NRP1: variants seen among roughly 807,000 people sequenced by gnomAD.
NRP1 encodes neuropilin 1, also known as neuropilin-1.
In NRP1, 35 loss-of-function variants were observed where a neutral mutation model predicts 106.7. The ratio of observed to expected loss-of-function variants is 0.33; its 90% CI spans 0.25 to 0.43. The LOEUF (loss-of-function observed/expected upper bound fraction) is 0.43. Ranked by LOEUF, NRP1 falls within the 20% of genes least tolerant of loss-of-function variation. The probability of loss-of-function intolerance (pLI) is 1.00; values close to 1 mark genes in which losing one functional copy is unlikely to be tolerated. For missense variants in NRP1, 1,024 were observed against 1,170.4 expected (o/e 0.87, Z 1.83); for synonymous variants, 437 against 417.9 (o/e 1.05, Z -0.56).
chr10:33,242,751 G>C (rs764651666), intron 6 of NRP1, among the ~76,000 whole-genome samples: 1 of 152,140 alleles, frequency 6.6e-6, no homozygotes, highest in Non-Finnish European at 1.5e-5. Flanking sequence ...GGGTCTACCT[G>C]GGTCTTGGTC....
At position 33,207,708 on chromosome 10, in the gene NRP1, C is replaced by G. The variant is rs1288766705; in HGVS notation, c.1623G>C (p.Glu541Asp). The change falls in exon 10 of 17, where the codon GAG becomes GAC. Residue 541 changes from glutamate (E) to aspartate (D), a missense_variant. By Grantham distance (45) the Glu-to-Asp change is conservative. Around this residue, in one of 5 missense-constraint regions of NRP1, gnomAD observed 562 missense variants for 620.3 expected, o/e 0.91. Transcript: ENST00000374867. Reference protein sequence around the residue: ...DDSKRKAKSFEGNNNYDTPEL... With the variant: ...DDSKRKAKSFDGNNNYDTPEL... ...CAGGTGTATCATAGTTGTTGTTGCC[C>G]TCAAAAGACTGTGAAGCATGGAAAA... The G allele has an allele frequency of 6.2e-7, 1 of 1,613,290 alleles. No homozygotes were observed. Among genetic ancestry groups the G allele is most frequent in the East Asian group, 2.2e-5 (1 of 44,840 alleles).
intron 11 of NRP1, 127 bp from the exon 12 acceptor site, chr10:33,197,836 T>A (rs1836899556): frequency 2.2e-6 from 1 of 455,408 alleles, no homozygotes; most frequent in African/African-American, 2.0e-5. Flanking sequence ...TTAATTTCAA[T>A]GATAGCAATT....
intron 6 of NRP1, among the ~76,000 whole-genome samples, chr10:33,238,335 C>A (rs772401231): frequency 6.6e-6 from 1 of 152,216 alleles, no homozygotes; most frequent in Non-Finnish European, 1.5e-5. Context: ...ACACTGTTCT[C>A]GCCTCAAACA....
chr10:33,288,851 A>C lies in NRP1; in HGVS notation c.249-17995T>G, dbSNP rs146215891. Reference sequence around the variant, plus strand: ...TTAGGGAGTAGGAGCCAAGGAATAAAAGTTTGCCAAATGTTGCACTACAAC... The same window carrying C: ...TTAGGGAGTAGGAGCCAAGGAATAACAGTTTGCCAAATGTTGCACTACAAC... On this transcript the variant is annotated intron_variant, in intron 2 of 16. Transcript: ENST00000374867. 6.8e-3 allele frequency among the ~76,000 whole-genome samples: 1,037 copies of C among 152,246 alleles called. 10 individuals carry two copies. The highest frequency in any genetic ancestry group is 0.024 in the African/African-American group (980 of 41,534).
intron 13 of NRP1, among the ~76,000 whole-genome samples, chr10:33,191,150 G>A (rs938155462): frequency 3.3e-5 from 5 of 152,152 alleles, no homozygotes; most frequent in African/African-American, 7.2e-5. Context: ...GAGCCACCAC[G>A]TCCAGTCTGC....
intron 2 of NRP1, among the ~76,000 whole-genome samples, chr10:33,290,864 C>A (rs189224319): frequency 6.6e-6 from 1 of 152,082 alleles, no homozygotes. Flanking sequence ...CCTCAAGGTG[C>A]GTGGGGCCAT....
At chr10:33,292,210 T>G (rs1845047616) in intron 2 of NRP1, among the ~76,000 whole-genome samples, 1 of 152,174 alleles carries the variant, frequency 6.6e-6, no homozygotes, top group Non-Finnish European at 1.5e-5. Flanking sequence ...GATTTAGTTG[T>G]GAAGTCAGAA....
At chr10:33,189,307 C>T (rs1294560475) in intron 13 of NRP1, among the ~76,000 whole-genome samples, 1 of 152,160 alleles carries the variant, frequency 6.6e-6, no homozygotes, top group African/African-American at 2.4e-5. Flanking sequence ...AACTGCTTCC[C>T]ATACAAAAAC....
rs1564362244 is a variant in NRP1 at position 33,186,208 on chromosome 10, A to G, written c.2334+9T>C. 1 of 1,571,732 alleles carries G rather than the reference A, an allele frequency of 6.4e-7. No homozygotes were observed. The highest frequency in any genetic ancestry group is 2.3e-5 in the East Asian group (1 of 44,322). On this transcript the variant is annotated intron_variant, in intron 14 of 16. Transcript: ENST00000374867. ...CACTGCCCTCCCCAGCCTTGGGAAG[A>G]GGTCATACCTGATAAAGTTTCAGAG...
Position 33,179,779 on chromosome 10 carries a change from G to A in NRP1, c.*297C>T. 3.0e-6 allele frequency: 1 copy of A among 329,570 alleles called. No individual in the cohort carries two copies. Among genetic ancestry groups the A allele is most frequent in the Non-Finnish European group, 5.6e-6 (1 of 178,134 alleles). The allele number at this position is 329,570 out of a possible 1,614,324, so 20.4% of individuals were successfully genotyped here. ...CCACAAAGGGGAGAGGAGAGAGAGA[G>A]AGAGGGGCAGGAGGGGTCGAAATGA... On this transcript the variant is annotated 3_prime_UTR_variant, in exon 17 of 17. Coordinates refer to ENST00000374867, the MANE Select transcript of NRP1 (RefSeq NM_003873.7).
At chr10:33,232,694 G>A (rs1840250273) in intron 6 of NRP1, among the ~76,000 whole-genome samples, 1 of 134,762 alleles carries the variant, frequency 7.4e-6, no homozygotes, top group African/African-American at 2.8e-5. Flanking sequence ...CCTGGCTAGA[G>A]TGCAATGGCG....
chr10:33,274,262 C>T (rs1035541081), intron 2 of NRP1, among the ~76,000 whole-genome samples: 2 of 152,160 alleles, frequency 1.3e-5, no homozygotes, highest in Admixed American at 6.5e-5. Flanking sequence ...AGCTAAAAGC[C>T]TATTGGCTCC....
rs763474263 is a variant in NRP1 at position 33,253,989 on chromosome 10, T to G, written c.981+39A>C. On this transcript the variant is annotated intron_variant, in intron 6 of 16. Coordinates refer to ENST00000374867, the MANE Select transcript of NRP1 (RefSeq NM_003873.7). ...ACAACCTCTCTAGATGGTCAAAAAC[T>G]TATTCAATCCTAGATAGGCTTGATC... is the stretch of plus-strand genomic sequence containing the variant. 2.6e-6 allele frequency: 4 copies of G among 1,556,226 alleles called. No individual in the cohort carries two copies. In the East Asian group the frequency reaches 9.0e-5, roughly 35 times the overall value.
In NRP1 at chr10:33,259,019, G is replaced by A. The variant is rs1047423960; in HGVS notation, c.659-2548C>T. Among the ~76,000 whole-genome samples, 29 of 152,140 alleles carry A rather than the reference G, an allele frequency of 1.9e-4. 1 individual carries two copies. Among genetic ancestry groups the A allele is most frequent in the Non-Finnish European group, 3.5e-4 (24 of 68,000 alleles). On this transcript the variant is annotated intron_variant, in intron 4 of 16. Transcript: ENST00000374867. ...TAATCCTTGGGGTCGTCCTCTGATC[G>A]CCACAGCCGCTGACCTCCCCCAGAA...
Position 33,317,413 on chromosome 10 carries a change from G to A in NRP1, c.248+13295C>T, listed in dbSNP as rs150939256. Reference sequence around the variant, plus strand: ...GGAGATGGCAAGGTCAAAGGACAGGGGATACTAGAAATAGAGGGGAAATGA... The same window carrying A: ...GGAGATGGCAAGGTCAAAGGACAGGAGATACTAGAAATAGAGGGGAAATGA... On this transcript the variant is annotated intron_variant, in intron 2 of 16. Coordinates refer to ENST00000374867, the MANE Select transcript of NRP1 (RefSeq NM_003873.7). 3.2e-3 allele frequency among the ~76,000 whole-genome samples: 482 copies of A among 152,290 alleles called. 2 individuals carry two copies. Among genetic ancestry groups the A allele is most frequent in the Middle Eastern group, 0.014 (4 of 294 alleles).
In NRP1 at chr10:33,314,040, C is replaced by CTCTT. The variant is rs938220346; in HGVS notation, c.248+16664_248+16667dup. On this transcript the variant is annotated intron_variant, in intron 2 of 16. Transcript: ENST00000374867. ...TCCTTCTCTCTCTCTCTTTCTCTCT[C>CTCTT]TCTTTCTTTCTTTCTATTCCTCCCT... Among the ~76,000 whole-genome samples the CTCTT allele has an allele frequency of 2.0e-5, 3 of 146,372 alleles. No individual in the cohort carries two copies. The East Asian group carries it at 6.1e-4, about 30-fold the overall frequency.
intron 9 of NRP1, among the ~76,000 whole-genome samples, 159 bp from the exon 10 acceptor site, chr10:33,207,875 AAAAC>A (rs1837931215): frequency 6.6e-6 from 1 of 152,206 alleles, no homozygotes; most frequent in Admixed American, 6.5e-5. Context: ...AGAAAGGAAA[AAAAC>A]AATTAAAGCT....
At chr10:33,182,890 T>C in intron 15 of NRP1, 142 bp from the exon 16 acceptor site, 1 of 710,910 alleles carries the variant, frequency 1.4e-6, no homozygotes, top group Non-Finnish European at 2.5e-6. Context: ...TTTGGATTTT[T>C]TAGTTCAATC....
At chr10:33,214,151 A>G (rs913883076) in intron 8 of NRP1, among the ~76,000 whole-genome samples, 1 of 152,194 alleles carries the variant, frequency 6.6e-6, no homozygotes, top group Non-Finnish European at 1.5e-5. Flanking sequence ...ATGCAGAGGT[A>G]AAGAGAACGA....
Sources: gnomAD v4.1 joint callset for allele counts (sites outside exome capture counted in the v4.1 genomes callset) on GRCh38, gnomAD v4.1.1 for gene constraint, gnomAD v4.1.1 regional missense constraint, MANE v1.5 for transcripts, NCBI Gene and HGNC (gene_info 2026-07-23, HGNC 2026-07-21) for gene names.